Variants in CAMK1D observed in about 807,000 individuals in gnomAD.
CAMK1D encodes the protein calcium/calmodulin-dependent protein kinase type 1D.
Under a neutral mutation model 47.7 loss-of-function variants are expected in CAMK1D, and 9 were observed. That is an observed-to-expected ratio of 0.19 (90% CI 0.11 to 0.33). CAMK1D has a LOEUF of 0.33. Among genes scored for constraint, CAMK1D ranks in the 10% least tolerant of loss-of-function variants. The pLI, the probability that CAMK1D is intolerant of heterozygous loss-of-function variation, is 1.00. For synonymous variants in CAMK1D, 184 were observed against 184.9 expected (o/e 0.99, Z 0.04); for missense variants, 291 against 488.7 (o/e 0.60, Z 3.81).
At chr10:12,799,031 A>G (rs1588942426) in intron 6 of CAMK1D, among the ~76,000 whole-genome samples, 1 of 152,260 alleles carries the variant, frequency 6.6e-6, no homozygotes, top group Middle Eastern at 3.4e-3. Flanking sequence ...TTCAGGCCCC[A>G]TTTGTGACGA....
intron 1 of CAMK1D, among the ~76,000 whole-genome samples, chr10:12,360,808 T>C (rs190847016): frequency 6.6e-6 from 1 of 152,112 alleles, no homozygotes; most frequent in Non-Finnish European, 1.5e-5. Context: ...AATTGGGCCC[T>C]AAACTGTCCT....
intron 3 of CAMK1D, among the ~76,000 whole-genome samples, chr10:12,736,158 A>G (rs138824090): frequency 2.4e-4 from 37 of 152,354 alleles, no homozygotes; most frequent in Non-Finnish European, 3.7e-4. Flanking sequence ...TGGTTGCTCC[A>G]GGCAGCCTAC....
intron 3 of CAMK1D, among the ~76,000 whole-genome samples, chr10:12,747,966 A>G (rs1388285333): frequency 1.3e-5 from 2 of 152,166 alleles, no homozygotes; most frequent in Non-Finnish European, 2.9e-5. Flanking sequence ...TTAAATGTTA[A>G]TCTCATCCAA....
chr10:12,648,829 G>C (rs910921307), intron 2 of CAMK1D, among the ~76,000 whole-genome samples: 2 of 152,070 alleles, frequency 1.3e-5, no homozygotes, highest in African/African-American at 4.8e-5. Context: ...AGAAATCAGG[G>C]GCTAGTGTTC....
chr10:12,793,222 C>A (rs1199159880), intron 6 of CAMK1D, among the ~76,000 whole-genome samples: 1 of 152,134 alleles, frequency 6.6e-6, no homozygotes, highest in Non-Finnish European at 1.5e-5. Context: ...AGAAACCTTC[C>A]CTGGGGCTGG....
At chr10:12,691,763 A>G (rs1832940571) in intron 3 of CAMK1D, among the ~76,000 whole-genome samples, 1 of 152,050 alleles carries the variant, frequency 6.6e-6, no homozygotes, top group Admixed American at 6.6e-5. Flanking sequence ...CTATATTTTA[A>G]TATGCAGTAT....
At chr10:12,783,833 A>G (rs920681811) in intron 5 of CAMK1D, among the ~76,000 whole-genome samples, 4 of 152,314 alleles carry the variant, frequency 2.6e-5, no homozygotes, top group East Asian at 1.9e-4. Context: ...GGAATTTTCC[A>G]TAAGTGGGCT....
intron 1 of CAMK1D, among the ~76,000 whole-genome samples, chr10:12,518,327 T>G (rs1835271905): frequency 1.3e-5 from 2 of 152,264 alleles, no homozygotes. Context: ...CAACAAATTT[T>G]AAATATTTGC....
intron 3 of CAMK1D, among the ~76,000 whole-genome samples, chr10:12,756,238 A>G (rs1470969331): frequency 6.6e-6 from 1 of 152,252 alleles, no homozygotes; most frequent in African/African-American, 2.4e-5. Context: ...GATATTGTTC[A>G]AGACATAAAA....
At chr10:12,733,430 G>A (rs1190762800) in intron 3 of CAMK1D, among the ~76,000 whole-genome samples, 1 of 152,224 alleles carries the variant, frequency 6.6e-6, no homozygotes, top group African/African-American at 2.4e-5. Context: ...CGTTGACCAG[G>A]TGGATGTCAT....
chr10:12,473,191 A>C lies in CAMK1D; in HGVS notation c.93-80034A>C, dbSNP rs1833800538. Among the ~76,000 whole-genome samples, 3 of 152,168 alleles carry C rather than the reference A, an allele frequency of 2.0e-5. No homozygotes were observed. The South Asian group carries it at 6.2e-4, about 32-fold the overall frequency. On this transcript the variant is annotated intron_variant, in intron 1 of 10. Transcript: ENST00000619168. ...CATGCTGGGGCACAGGCCAGCAGCG[A>C]TGTCATGTGGGAATCCAGGGGGAGA...
intron 1 of CAMK1D, among the ~76,000 whole-genome samples, chr10:12,468,986 A>G (rs866066631): frequency 2.6e-5 from 4 of 152,104 alleles, no homozygotes; most frequent in Non-Finnish European, 4.4e-5. Context: ...TCAGCAGTCT[A>G]CATAGCGTCC....
At chr10:12,613,900 G>GT (rs1479527164) in intron 2 of CAMK1D, among the ~76,000 whole-genome samples, 1 of 152,224 alleles carries the variant, frequency 6.6e-6, no homozygotes, top group Non-Finnish European at 1.5e-5. Flanking sequence ...AAACTGAGAG[G>GT]TAGAGAAGAG....
At chr10:12,675,884 C>T (rs928804083) in intron 3 of CAMK1D, among the ~76,000 whole-genome samples, 5 of 152,202 alleles carry the variant, frequency 3.3e-5, no homozygotes, top group African/African-American at 1.2e-4. Context: ...GCCAGTACTG[C>T]CACAGGGCCC....
At chr10:12,658,174 C>T (rs1840171292) in intron 2 of CAMK1D, among the ~76,000 whole-genome samples, 1 of 152,018 alleles carries the variant, frequency 6.6e-6, no homozygotes, top group African/African-American at 2.4e-5. Flanking sequence ...TGGGGTGACC[C>T]AGAGGAAAGG....
At chr10:12,792,486 C>A (rs1276149632) in intron 6 of CAMK1D, among the ~76,000 whole-genome samples, 2 of 152,162 alleles carry the variant, frequency 1.3e-5, no homozygotes, top group Admixed American at 6.5e-5. Context: ...GCAGAAAGAG[C>A]CCCCTGCACA....
At chr10:12,781,098 T>G (rs2130964159) in intron 5 of CAMK1D, among the ~76,000 whole-genome samples, 1 of 152,324 alleles carries the variant, frequency 6.6e-6, no homozygotes, top group South Asian at 2.1e-4. Flanking sequence ...TTCTTCCTTG[T>G]GGAATTGCTT....
At chr10:12,480,049 T>G (rs535854878) in intron 1 of CAMK1D, among the ~76,000 whole-genome samples, 1 of 152,300 alleles carries the variant, frequency 6.6e-6, no homozygotes, top group East Asian at 1.9e-4. Context: ...GTCTTCTGCT[T>G]CTTGTCTGTT....
intron 2 of CAMK1D, among the ~76,000 whole-genome samples, chr10:12,560,757 G>A (rs1300025040): frequency 6.6e-6 from 1 of 152,004 alleles, no homozygotes; most frequent in African/African-American, 2.4e-5. Context: ...TCTCTGGAAA[G>A]CTCGCACTGG....
Sources: gnomAD v4.1 joint callset for allele counts (sites outside exome capture counted in the v4.1 genomes callset) on GRCh38, gnomAD v4.1.1 for gene constraint, MANE v1.5 for transcripts, NCBI Gene and HGNC (gene_info 2026-07-23, HGNC 2026-07-21) for gene names.